Variants in ZMIZ1 observed in about 807,000 individuals in gnomAD.
ZMIZ1 encodes the protein zinc finger MIZ domain-containing protein 1.
A neutral mutation model predicts 113.9 loss-of-function variants in ZMIZ1; 17 were observed. That is an observed-to-expected ratio of 0.15 (90% CI 0.10 to 0.22). The LOEUF (loss-of-function observed/expected upper bound fraction) is 0.22, where lower values mean the gene tolerates loss of function less well. Among genes scored for constraint, ZMIZ1 ranks in the 10% least tolerant of loss-of-function variants. The probability of loss-of-function intolerance (pLI) is 1.00; values close to 1 mark genes in which losing one functional copy is unlikely to be tolerated. For missense variants in ZMIZ1, 1,059 were observed against 1,477.8 expected, an observed-to-expected ratio of 0.72 and a Z score of 4.65; for synonymous variants, 607 against 603.1, an observed-to-expected ratio of 1.01 and a Z score of -0.09.
At position 79,069,013 on chromosome 10, in the gene ZMIZ1, T is replaced by C. The variant is rs1564632038; in HGVS notation, c.-594T>C. 6.6e-6 allele frequency: 1 copy of C among 151,236 alleles called. No individual in the cohort carries two copies. The highest frequency in any genetic ancestry group is 1.8e-4 in the South Asian group (1 of 5,588). 9.4% of individuals were successfully genotyped at this position (151,236 alleles called of 1,614,324 possible). ...AGTTCCTTTTCACTGTCTGTGGACA[T>C]TAAAAAAGCGAGCGGCGGCGGCGGG... On this transcript the variant is annotated 5_prime_UTR_variant, in exon 1 of 25. Coordinates refer to ENST00000334512, the MANE Select transcript of ZMIZ1 (RefSeq NM_020338.4). This position sits in a 1 kb window ranked among gnomAD's most constrained non-coding sequence, Gnocchi z 4.6.
At chr10:79,077,546 G>A (rs1185197101) in intron 1 of ZMIZ1, among the ~76,000 whole-genome samples, 1 of 152,148 alleles carries the variant, frequency 6.6e-6, no homozygotes, top group African/African-American at 2.4e-5. Flanking sequence ...AAATGCTTTG[G>A]TGTTCCTGCT....
At chr10:79,137,546 G>A (rs1028180533) in intron 2 of ZMIZ1, among the ~76,000 whole-genome samples, 9 of 152,192 alleles carry the variant, frequency 5.9e-5, no homozygotes, top group African/African-American at 2.2e-4. Context: ...GGGGCCGTGG[G>A]AAGCAGGCTG....
intron 7 of ZMIZ1, among the ~76,000 whole-genome samples, chr10:79,229,369 G>A (rs780579850): frequency 6.6e-6 from 1 of 152,204 alleles, no homozygotes; most frequent in African/African-American, 2.4e-5. Flanking sequence ...GTCTGGCCAC[G>A]GCTTTCCTTG....
At chr10:79,195,663 T>G (rs1693969864) in intron 4 of ZMIZ1, among the ~76,000 whole-genome samples, 1 of 152,144 alleles carries the variant, frequency 6.6e-6, no homozygotes. Flanking sequence ...AGGTGGCCGG[T>G]GTGCAGGGAG....
intron 1 of ZMIZ1, among the ~76,000 whole-genome samples, chr10:79,114,506 C>CGTGTGCGTGTGT (rs1843922740): frequency 4.3e-5 from 4 of 93,248 alleles, no homozygotes; most frequent in East Asian, 3.3e-4. Flanking sequence ...TGTGTGTGTG[C>CGTGTGCGTGTGT]GTGTGTGTGT....
chr10:79,280,423 C>T (rs1222359387), intron 8 of ZMIZ1, among the ~76,000 whole-genome samples: 3 of 151,826 alleles, frequency 2.0e-5, no homozygotes, highest in Non-Finnish European at 2.9e-5. Context: ...CATAGCCATG[C>T]ACCACTACAC....
intron 7 of ZMIZ1, among the ~76,000 whole-genome samples, chr10:79,228,602 G>T (rs1291439725): frequency 6.6e-6 from 1 of 152,262 alleles, no homozygotes; most frequent in Non-Finnish European, 1.5e-5. Context: ...GCCCCTGTGA[G>T]CTGCCCAGGT....
At chr10:79,154,536 G>A (rs534865281) in intron 3 of ZMIZ1, among the ~76,000 whole-genome samples, 4 of 152,188 alleles carry the variant, frequency 2.6e-5, no homozygotes, top group African/African-American at 7.2e-5. Flanking sequence ...GGTGGGTGCC[G>A]GGGGACCTGG....
At chr10:79,155,693 A>C (rs1041678775) in intron 3 of ZMIZ1, among the ~76,000 whole-genome samples, 1 of 152,240 alleles carries the variant, frequency 6.6e-6, no homozygotes, top group African/African-American at 2.4e-5. Context: ...AGGACTGGAC[A>C]GGGAGCAAGG....
At position 79,291,069 on chromosome 10, in the gene ZMIZ1, G is replaced by C. The variant is rs146426773; in HGVS notation, c.651G>C (p.Ala217=). 1 of 1,614,242 alleles carries C rather than the reference G, an allele frequency of 6.2e-7. No individual in the cohort carries two copies. Reference sequence around the variant, plus strand: ...CAGGCCTCAACTCCCCACAGTTTGCGGGGCAGCAGCAGCAGTTCTCAGCCA... The same window carrying C: ...CAGGCCTCAACTCCCCACAGTTTGCCGGGCAGCAGCAGCAGTTCTCAGCCA... ...SNPGLNSPQF[A]GQQQQFSAKA... is the part of the protein sequence containing the mutation. The change falls in exon 10 of 25, where the codon GCG becomes GCC. Residue 217 remains alanine (A), a synonymous_variant. Coordinates refer to ENST00000334512, the MANE Select transcript of ZMIZ1 (RefSeq NM_020338.4).
intron 18 of ZMIZ1, among the ~76,000 whole-genome samples, chr10:79,302,766 T>C (rs1854401564): frequency 7.0e-6 from 1 of 142,828 alleles, no homozygotes; most frequent in Non-Finnish European, 1.5e-5. Flanking sequence ...TGATCTCGGC[T>C]CACTGCAGGC....
chr10:79,287,238 G>A (rs1853146415), intron 8 of ZMIZ1, among the ~76,000 whole-genome samples: 1 of 152,178 alleles, frequency 6.6e-6, no homozygotes, highest in African/African-American at 2.4e-5. Flanking sequence ...TGAGGAGCAG[G>A]CTCATGGCTA....
intron 7 of ZMIZ1, among the ~76,000 whole-genome samples, chr10:79,247,160 G>A (rs1850255433): frequency 6.6e-6 from 1 of 152,126 alleles, no homozygotes. Context: ...GCTTTCTGCA[G>A]GGACCCCCGC....
chr10:79,175,630 GGA>G (rs1192089672), intron 4 of ZMIZ1, among the ~76,000 whole-genome samples: 1,381 of 96,472 alleles, frequency 0.014, 26 homozygotes, highest in East Asian at 0.025. Flanking sequence ...GTGTGTGTGT[GGA>G]GGTTTTTACA....
At chr10:79,194,238 G>T (rs1847738481) in intron 4 of ZMIZ1, among the ~76,000 whole-genome samples, 1 of 152,252 alleles carries the variant, frequency 6.6e-6, no homozygotes, top group African/African-American at 2.4e-5. Flanking sequence ...AGATGTGTGT[G>T]CTCAAGTGCA....
chr10:79,079,325 C>T (rs547420967), intron 1 of ZMIZ1, among the ~76,000 whole-genome samples: 145 of 152,308 alleles, frequency 9.5e-4, no homozygotes, highest in African/African-American at 3.1e-3. Flanking sequence ...CCTTTGCAAA[C>T]GTGCACTTTC....
Position 79,312,990 on chromosome 10 carries a change from G to T in ZMIZ1, c.*241G>T. 1.8e-6 allele frequency: 1 copy of T among 548,208 alleles called. No individual in the cohort carries two copies. The highest frequency in any genetic ancestry group is 3.3e-6 in the Non-Finnish European group (1 of 306,456). The allele number at this position is 548,208 out of a possible 1,614,324, so 34.0% of individuals were successfully genotyped here. A position where few individuals can be genotyped will look rare whatever the true frequency, so the allele number is the denominator to read the frequency against. ...TCCCACCTCCACACCCTTGGCTTGG[G>T]CCCATGCCCAGCGCAGGCCTGAAGA... On this transcript the variant is annotated 3_prime_UTR_variant, in exon 25 of 25. Coordinates refer to ENST00000334512, the MANE Select transcript of ZMIZ1 (RefSeq NM_020338.4).
At chr10:79,224,898 G>T (rs968836943) in intron 7 of ZMIZ1, among the ~76,000 whole-genome samples, 14 of 152,304 alleles carry the variant, frequency 9.2e-5, no homozygotes, top group Middle Eastern at 3.4e-3. Context: ...GGAAATCAGT[G>T]AAAAGAGTGG....
chr10:79,257,231 A>G (rs1230382182), intron 7 of ZMIZ1, among the ~76,000 whole-genome samples: 2 of 152,246 alleles, frequency 1.3e-5, no homozygotes, highest in Non-Finnish European at 2.9e-5. Flanking sequence ...TGGGGACCCC[A>G]GAGCCCTCAG....
Sources: gnomAD v4.1 joint callset for allele counts (sites outside exome capture counted in the v4.1 genomes callset) on GRCh38, gnomAD v4.1.1 for gene constraint, Gnocchi (gnomAD v3.1) non-coding constraint, MANE v1.5 for transcripts, NCBI Gene and HGNC (gene_info 2026-07-23, HGNC 2026-07-21) for gene names.